Variants in GRIK2 observed in about 807,000 individuals in gnomAD.
The protein encoded by GRIK2 is glutamate receptor ionotropic, kainate 2.
GRIK2 carries 32 observed loss-of-function variants against 100.3 expected under a neutral mutation model. The ratio of observed to expected loss-of-function variants is 0.32; its 90% CI spans 0.24 to 0.43. The LOEUF (loss-of-function observed/expected upper bound fraction) is 0.43, where lower values mean the gene tolerates loss of function less well. Among genes scored for constraint, GRIK2 ranks in the 20% least tolerant of loss-of-function variants. GRIK2 has a pLI of 1.00. For synonymous variants in GRIK2, 417 were observed against 389.4 expected, an observed-to-expected ratio of 1.07 and a Z score of -0.83; for missense variants, 843 against 1,114.9, an observed-to-expected ratio of 0.76 and a Z score of 3.47.
At chr6:101,606,545 GT>G in intron 2 of GRIK2, among the ~76,000 whole-genome samples, 1 of 152,036 alleles carries the variant, frequency 6.6e-6, no homozygotes, top group Admixed American at 6.6e-5. Flanking sequence ...AGCCAAGAAC[GT>G]TTAACTAACT....
At chr6:101,947,188 A>G (rs933630469) in intron 14 of GRIK2, among the ~76,000 whole-genome samples, 2 of 152,192 alleles carry the variant, frequency 1.3e-5, no homozygotes, top group African/African-American at 2.4e-5. Flanking sequence ...TGATCACTTG[A>G]TACAACACCC....
At chr6:101,479,297 G>A (rs1273067071) in intron 2 of GRIK2, among the ~76,000 whole-genome samples, 1 of 152,024 alleles carries the variant, frequency 6.6e-6, no homozygotes, top group East Asian at 1.9e-4. Context: ...ATTTTAACAG[G>A]GCTGTAAGTG....
chr6:101,394,071 T>C (rs1774906707), intron 1 of GRIK2, among the ~76,000 whole-genome samples: 1 of 152,206 alleles, frequency 6.6e-6, no homozygotes, highest in African/African-American at 2.4e-5. Flanking sequence ...CAAGTGGCTC[T>C]GTTGGCTGCA....
In GRIK2 at chr6:102,008,590, A is replaced by C. The variant is rs140919028; in HGVS notation, c.2086-26751A>C. Among the ~76,000 whole-genome samples the C allele has an allele frequency of 2.2e-3, 338 of 152,250 alleles. 3 individuals are homozygous for C. The highest frequency in any genetic ancestry group is 7.6e-3 in the African/African-American group (317 of 41,562). On this transcript the variant is annotated intron_variant, in intron 14 of 16. Coordinates refer to ENST00000369134, the MANE Select transcript of GRIK2 (RefSeq NM_021956.5). ...ATTTAAAGAATTGAATTCTAGAAGG[A>C]ATTTTGCCTCTAAAACATGAGATGC...
intron 7 of GRIK2, among the ~76,000 whole-genome samples, chr6:101,716,098 A>G (rs1774044266): frequency 6.6e-6 from 1 of 151,620 alleles, no homozygotes; most frequent in Non-Finnish European, 1.5e-5. Context: ...TTAGCTCCTG[A>G]GCGTCTATGA....
rs1771989922 is a variant in GRIK2, at chr6:102,065,811, G to A, written c.2563-2536G>A. The stretch of plus-strand genomic sequence containing the variant: ...TGTTTCAACAGAGAGCCAAGACTAA[G>A]TTACCTCAAGACTATGTATTCCTCC... On this transcript the variant is annotated intron_variant, in intron 16 of 16. Coordinates refer to ENST00000369134, the MANE Select transcript of GRIK2 (RefSeq NM_021956.5). The A allele has an allele frequency of 4.6e-6, 7 of 1,521,900 alleles. No individual in the cohort carries two copies. The South Asian group carries it at 7.3e-5, about 16-fold the overall frequency. The allele number at this position is 1,521,900 out of a possible 1,614,324, so 94.3% of individuals were successfully genotyped here.
intron 10 of GRIK2, among the ~76,000 whole-genome samples, chr6:101,822,429 GC>G (rs2071340740): frequency 6.6e-6 from 1 of 151,874 alleles, no homozygotes; most frequent in Non-Finnish European, 1.5e-5. Context: ...TGAAGAAAGG[GC>G]AAGGGAGTAT....
chr6:101,909,813 C>T (rs995552769), intron 12 of GRIK2, among the ~76,000 whole-genome samples: 11 of 150,998 alleles, frequency 7.3e-5, no homozygotes. Flanking sequence ...GATTAATTCT[C>T]ATTAACCAGA....
chr6:101,954,062 A>G (rs561419946), intron 14 of GRIK2, among the ~76,000 whole-genome samples: 112 of 152,288 alleles, frequency 7.4e-4, no homozygotes, highest in Non-Finnish European at 1.3e-3. Context: ...AGAAATGACC[A>G]TAATGTAAGG....
chr6:101,875,252 A>G (rs1299964010), intron 11 of GRIK2, among the ~76,000 whole-genome samples: 1 of 151,800 alleles, frequency 6.6e-6, no homozygotes, highest in Non-Finnish European at 1.5e-5. Flanking sequence ...GATAGGTGCA[A>G]TTAGAAGCCA....
intron 10 of GRIK2, among the ~76,000 whole-genome samples, chr6:101,831,713 C>T (rs1782707441): frequency 6.6e-6 from 1 of 152,022 alleles, no homozygotes. Context: ...TAGTTTTTGG[C>T]ATGTCCAATT....
At chr6:101,539,981 A>G (rs887435832) in intron 2 of GRIK2, among the ~76,000 whole-genome samples, 5 of 151,904 alleles carry the variant, frequency 3.3e-5, no homozygotes, top group Admixed American at 2.0e-4. Context: ...ATAAGTGTGC[A>G]TCCATTGATA....
Position 101,697,545 on chromosome 6 carries a change from GAT to G in GRIK2, c.951+11195_951+11196del, listed in dbSNP as rs755993578. On this transcript the variant is annotated intron_variant, in intron 7 of 16. Transcript: ENST00000369134. ...AGTCTAGGTAGAAGTTTATGAAAAT[GAT>G]ATGTATCATTTTTTCTCAATGTCAG... 7.2e-5 allele frequency among the ~76,000 whole-genome samples: 11 copies of G among 152,072 alleles called. No homozygotes were observed. In the South Asian group the frequency reaches 2.1e-3, roughly 29 times the overall value.
intron 7 of GRIK2, among the ~76,000 whole-genome samples, chr6:101,706,413 T>G (rs1773300782): frequency 6.6e-6 from 1 of 151,958 alleles, no homozygotes; most frequent in South Asian, 2.1e-4. Flanking sequence ...CAAATGTGTA[T>G]CTATACTATG....
At chr6:101,931,970 C>G (rs369943784) in intron 14 of GRIK2, among the ~76,000 whole-genome samples, 1 of 151,974 alleles carries the variant, frequency 6.6e-6, no homozygotes, top group African/African-American at 2.4e-5. Context: ...TGTTACCAAG[C>G]AACAGGAACA....
At chr6:101,468,834 GATA>G (rs1771798950) in intron 2 of GRIK2, among the ~76,000 whole-genome samples, 1 of 152,140 alleles carries the variant, frequency 6.6e-6, no homozygotes, top group African/African-American at 2.4e-5. Context: ...GGTTCCTCAT[GATA>G]ATAACACCAT....
chr6:101,734,321 A>G (rs1333392932), intron 7 of GRIK2, among the ~76,000 whole-genome samples: 2 of 152,220 alleles, frequency 1.3e-5, no homozygotes, highest in Non-Finnish European at 2.9e-5. Flanking sequence ...AAACCTAAAA[A>G]GAGACAATAT....
intron 16 of GRIK2, 48 bp from the exon 17 acceptor site, chr6:102,068,299 A>T: frequency 7.5e-7 from 1 of 1,338,482 alleles, no homozygotes; most frequent in Non-Finnish European, 1.1e-6. Context: ...TTGGACAGTT[A>T]CAGTTTATGT....
chr6:101,820,590 C>T (rs1342434029), intron 10 of GRIK2, among the ~76,000 whole-genome samples: 4 of 152,042 alleles, frequency 2.6e-5, no homozygotes, highest in Admixed American at 6.6e-5. Flanking sequence ...GGACTACAGG[C>T]GCGCTACCAC....
Sources: allele counts gnomAD v4.1 joint callset (sites outside exome capture counted in the v4.1 genomes callset), GRCh38; gene constraint gnomAD v4.1.1; transcripts MANE v1.5; gene names NCBI Gene and HGNC (gene_info 2026-07-23, HGNC 2026-07-21).